The following PDE11A variants were observed in gnomAD, a reference collection of about 807,000 sequenced individuals.
PDE11A encodes the protein dual 3',5'-cyclic-AMP and -GMP phosphodiesterase 11A.
In PDE11A, 100 loss-of-function variants were observed where a neutral mutation model predicts 100.5. The ratio of observed to expected loss-of-function variants is 1.00; its 90% CI spans 0.85 to 1.18. The LOEUF (loss-of-function observed/expected upper bound fraction) is 1.18, where lower values mean the gene tolerates loss of function less well. Ranked by LOEUF, PDE11A falls within the 50% of genes most tolerant of loss-of-function variation. PDE11A has a pLI of 0.00. For missense variants in PDE11A, 1,141 were observed against 1,152.6 expected (o/e 0.99, Z 0.15); for synonymous variants, 381 against 420.8 (o/e 0.91, Z 1.16).
At chr2:178,102,966 G>C (rs571203828) in intron 2 of PDE11A, among the ~76,000 whole-genome samples, 27 of 152,314 alleles carry the variant, frequency 1.8e-4, no homozygotes, top group African/African-American at 6.5e-4. Context: ...TGTAAAGACA[G>C]AGATGCACAG....
chr2:178,033,771 T>C (rs2086576423), intron 1 of PDE11A, among the ~76,000 whole-genome samples: 2 of 152,094 alleles, frequency 1.3e-5, no homozygotes, highest in African/African-American at 4.8e-5. Context: ...AAAAAAAGTT[T>C]TCAACCCAGA....
intron 5 of PDE11A, among the ~76,000 whole-genome samples, chr2:177,875,198 T>C (rs935272792): frequency 6.6e-6 from 1 of 151,810 alleles, no homozygotes; most frequent in African/African-American, 2.4e-5. Context: ...CACTCTAGCC[T>C]GGGTGACAGA....
rs144767813 is a variant in PDE11A at position 177,735,696 on chromosome 2, C to G, written c.1789-7524G>C. ...GACTTCCTCTAATAGGCTTGGACCC[C>G]TTGGCTGCCTAAACAACTGTAAAAC... On this transcript the variant is annotated intron_variant, in intron 10 of 19. Coordinates refer to ENST00000286063, the MANE Select transcript of PDE11A (RefSeq NM_016953.4). 1.2e-3 allele frequency among the ~76,000 whole-genome samples: 179 copies of G among 152,334 alleles called. 1 individual carries two copies. Among genetic ancestry groups the G allele is most frequent in the African/African-American group, 4.2e-3 (174 of 41,570 alleles).
intron 9 of PDE11A, among the ~76,000 whole-genome samples, chr2:177,791,271 G>C (rs1026443767): frequency 2.0e-5 from 3 of 151,372 alleles, no homozygotes; most frequent in African/African-American, 7.3e-5. Context: ...ATCATTCTCA[G>C]TAAACTATCA....
chr2:178,062,218 A>G (rs1387471351), intron 1 of PDE11A, among the ~76,000 whole-genome samples: 3 of 151,864 alleles, frequency 2.0e-5, no homozygotes, highest in African/African-American at 7.3e-5. Context: ...CTGCATGATA[A>G]TTTTAGGGTT....
At chr2:177,757,953 T>C (rs2105485390) in intron 10 of PDE11A, among the ~76,000 whole-genome samples, 1 of 152,218 alleles carries the variant, frequency 6.6e-6, no homozygotes, top group South Asian at 2.1e-4. Context: ...CTTTAGGCCC[T>C]GGATGGAAAC....
At chr2:177,697,781 G>A (rs1189011229) in intron 14 of PDE11A, among the ~76,000 whole-genome samples, 2 of 152,104 alleles carry the variant, frequency 1.3e-5, no homozygotes, top group Non-Finnish European at 2.9e-5. Flanking sequence ...GAAACATTTG[G>A]GAACATTTCT....
At chr2:177,705,821 C>G (rs1269421947) in intron 13 of PDE11A, among the ~76,000 whole-genome samples, 2 of 152,116 alleles carry the variant, frequency 1.3e-5, no homozygotes, top group African/African-American at 4.8e-5. Context: ...TGGGACCTGG[C>G]CGAAAGCGAC....
At chr2:177,844,683 C>T (rs901235098) in intron 5 of PDE11A, among the ~76,000 whole-genome samples, 4 of 151,372 alleles carry the variant, frequency 2.6e-5, no homozygotes, top group South Asian at 2.1e-4. Flanking sequence ...GAGGACCCTG[C>T]GGCCTTCCGC....
chr2:177,835,415 G>T (rs190347705), intron 6 of PDE11A, among the ~76,000 whole-genome samples: 7 of 152,238 alleles, frequency 4.6e-5, no homozygotes, highest in Admixed American at 2.6e-4. Context: ...CCTACTACAG[G>T]ATACTCCCCT....
At chr2:177,945,135 A>G (rs1428705506) in intron 2 of PDE11A, among the ~76,000 whole-genome samples, 2 of 151,250 alleles carry the variant, frequency 1.3e-5, no homozygotes, top group Non-Finnish European at 3.0e-5. Context: ...AATGGTGCCC[A>G]GGCTGGAGTG....
chr2:177,755,602 C>T (rs1381704889), intron 10 of PDE11A, among the ~76,000 whole-genome samples: 1 of 152,212 alleles, frequency 6.6e-6, no homozygotes, highest in Non-Finnish European at 1.5e-5. Flanking sequence ...AACTGACACA[C>T]TTTCCTAAGC....
chr2:178,074,710 A>G (rs1030847722), upstream of PDE11A, among the ~76,000 whole-genome samples: 3 of 152,238 alleles, frequency 2.0e-5, no homozygotes, highest in African/African-American at 7.2e-5. Flanking sequence ...CTACAGCACC[A>G]AGAGAAGTGA....
intron 9 of PDE11A, among the ~76,000 whole-genome samples, chr2:177,807,595 A>G (rs1247488144): frequency 6.6e-6 from 1 of 151,586 alleles, no homozygotes; most frequent in South Asian, 2.1e-4. Context: ...TAATTTTTGT[A>G]TTTTGTATTT....
intron 2 of PDE11A, among the ~76,000 whole-genome samples, chr2:178,080,251 T>C (rs541096751): frequency 6.6e-6 from 1 of 152,302 alleles, no homozygotes; most frequent in Admixed American, 6.5e-5. Flanking sequence ...ATTGCTTAGA[T>C]TTTCTTCTAG....
At chr2:177,996,468 C>T (rs1014051111) in intron 2 of PDE11A, among the ~76,000 whole-genome samples, 1 of 145,782 alleles carries the variant, frequency 6.9e-6, no homozygotes, top group Non-Finnish European at 1.5e-5. Context: ...TACATATATA[C>T]ATATATATAT....
intron 2 of PDE11A, among the ~76,000 whole-genome samples, chr2:177,989,884 T>A (rs2085982561): frequency 6.6e-6 from 1 of 152,212 alleles, no homozygotes; most frequent in South Asian, 2.1e-4. Context: ...TCCCAGCTTA[T>A]CACATTATCT....
chr2:177,706,485 T>C (rs2081282406), intron 13 of PDE11A, among the ~76,000 whole-genome samples: 1 of 152,192 alleles, frequency 6.6e-6, no homozygotes, highest in African/African-American at 2.4e-5. Flanking sequence ...ATAGGTTTCT[T>C]GCAAGGGATT....
chr2:178,092,093 TA>T (rs958637802), intron 2 of PDE11A, among the ~76,000 whole-genome samples: 37 of 152,206 alleles, frequency 2.4e-4, no homozygotes, highest in African/African-American at 8.9e-4. Flanking sequence ...AAGTATTGTT[TA>T]TAATAAAAAG....
Sources: gnomAD v4.1 joint callset for allele counts (sites outside exome capture counted in the v4.1 genomes callset) on GRCh38, gnomAD v4.1.1 for gene constraint, MANE v1.5 for transcripts, NCBI Gene and HGNC (gene_info 2026-07-23, HGNC 2026-07-21) for gene names.